ARHGEF10: variants seen among roughly 807,000 people sequenced by gnomAD.
The protein encoded by ARHGEF10 is Rho guanine nucleotide exchange factor (GEF) 10.
Under a neutral mutation model 147.4 loss-of-function variants are expected in ARHGEF10, and 140 were observed. That is an observed-to-expected ratio of 0.95 (90% CI 0.83 to 1.09). The LOEUF (loss-of-function observed/expected upper bound fraction) is 1.09. Among genes scored for constraint, ARHGEF10 ranks in the 50% least tolerant of loss-of-function variants. The pLI is 0.00. For synonymous variants in ARHGEF10, 902 were observed against 695.8 expected (o/e 1.30, Z -4.67); for missense variants, 2,222 against 1,752.7 (o/e 1.27, Z -4.78).
At chr8:1,955,505 C>G (rs1412600817) in intron 28 of ARHGEF10, among the ~76,000 whole-genome samples, 1 of 149,724 alleles carries the variant, frequency 6.7e-6, no homozygotes, top group Non-Finnish European at 1.5e-5. Flanking sequence ...CTCACTGTTT[C>G]TCTGGATGGG....
Position 1,894,404 on chromosome 8 carries a change from G to A in ARHGEF10, c.1272G>A (p.Lys424=). The A allele has an allele frequency of 6.2e-7, 1 of 1,614,208 alleles. No homozygotes were observed. The highest frequency in any genetic ancestry group is 8.5e-7 in the Non-Finnish European group (1 of 1,180,034). The change falls in exon 13 of 29, where the codon AAG becomes AAA. Residue 424 remains lysine, a synonymous_variant. Transcript: ENST00000349830. ...ALKRILEQYE[K]PLSEMEPKVL... is the part of the protein sequence containing the mutation. ...TCATTTTGTCTTAGCAATATGAGAAGCCGCTGTCTGAGATGGAGCCAAAGG... is the reference window on the plus strand; with the variant it reads ...TCATTTTGTCTTAGCAATATGAGAAACCGCTGTCTGAGATGGAGCCAAAGG...
At chr8:1,953,664 G>A (rs1815244209) in intron 28 of ARHGEF10, among the ~76,000 whole-genome samples, 1 of 152,160 alleles carries the variant, frequency 6.6e-6, no homozygotes, top group Non-Finnish European at 1.5e-5. Flanking sequence ...GTGACCCGCA[G>A]TTCGTAATGA....
At chr8:1,897,384 G>T (rs1443206192) in intron 14 of ARHGEF10, among the ~76,000 whole-genome samples, 1 of 150,296 alleles carries the variant, frequency 6.7e-6, no homozygotes, top group Non-Finnish European at 1.5e-5. Flanking sequence ...CTAAGGGATC[G>T]GATCGCAGTT....
chr8:1,826,556 C>T (rs1264423085), intron 1 of ARHGEF10, among the ~76,000 whole-genome samples: 1 of 152,040 alleles, frequency 6.6e-6, no homozygotes, highest in South Asian at 2.1e-4. Context: ...AGACTTCTCA[C>T]GGGACTTGAG....
chr8:1,844,404 GACGGGAGA>G (rs1473472763), intron 2 of ARHGEF10, among the ~76,000 whole-genome samples: 61 of 152,204 alleles, frequency 4.0e-4, no homozygotes, highest in African/African-American at 8.9e-4. Context: ...AGATGACAGA[GACGGGAGA>G]ATCCAGGGGT....
intron 7 of ARHGEF10, among the ~76,000 whole-genome samples, chr8:1,874,034 C>T (rs562115950): frequency 2.0e-5 from 3 of 152,212 alleles, no homozygotes; most frequent in Non-Finnish European, 2.9e-5. Flanking sequence ...GACAATAAGT[C>T]GATGGCGCTG....
intron 11 of ARHGEF10, among the ~76,000 whole-genome samples, chr8:1,891,842 C>G (rs1432593284): frequency 6.6e-6 from 1 of 151,968 alleles, no homozygotes; most frequent in African/African-American, 2.4e-5. Flanking sequence ...CCATGAAACC[C>G]AGAATATTGG....
rs201837497 is a variant in ARHGEF10 at position 1,857,952 on chromosome 8, C to G, written c.38-8C>G. On this transcript the variant is annotated splice_polypyrimidine_tract_variant and splice_region_variant and intron_variant, in intron 2 of 28. Coordinates refer to ENST00000349830, the MANE Select transcript of ARHGEF10 (RefSeq NM_014629.4). The stretch of plus-strand genomic sequence containing the variant: ...TCTCCTTGATGTGGTTTTGGTTTTT[C>G]TTTTTAGAAAATGAAATGAAATATG... The G allele has an allele frequency of 6.3e-7, 1 of 1,594,540 alleles. No individual in the cohort carries two copies. The highest frequency in any genetic ancestry group is 1.1e-5 in the South Asian group (1 of 87,928).
At chr8:1,885,844 C>T (rs1160241327) in intron 11 of ARHGEF10, 137 bp downstream of exon 11, 2 of 743,240 alleles carry the variant, frequency 2.7e-6, no homozygotes, top group Admixed American at 2.0e-5. Context: ...ACTGTAGGTT[C>T]CTGGCCCAGC....
chr8:1,829,414 T>G (rs1009863498), intron 1 of ARHGEF10, among the ~76,000 whole-genome samples: 6 of 152,168 alleles, frequency 3.9e-5, no homozygotes, highest in African/African-American at 1.4e-4. Context: ...CAGCTTGAAG[T>G]CCGCTGAGGG....
Position 1,925,412 on chromosome 8 carries a change from G to A in ARHGEF10, c.2610+8G>A, listed in dbSNP as rs748547853. The A allele has an allele frequency of 1.2e-6, 2 of 1,613,920 alleles. No homozygotes were observed. Among genetic ancestry groups the A allele is most frequent in the South Asian group, 1.1e-5 (1 of 91,064 alleles). On this transcript the variant is annotated splice_region_variant and intron_variant, in intron 22 of 28. Coordinates refer to ENST00000349830, the MANE Select transcript of ARHGEF10 (RefSeq NM_014629.4). Reference sequence around the variant, plus strand: ...AAGCAGCAGGAGTTCAAGGTGAAGGGAGGCAGGGCCCGCGGCCCGGGGTGG... The same window carrying A: ...AAGCAGCAGGAGTTCAAGGTGAAGGAAGGCAGGGCCCGCGGCCCGGGGTGG...
At chr8:1,914,342 C>T (rs1171792415) in intron 18 of ARHGEF10, among the ~76,000 whole-genome samples, 1 of 152,252 alleles carries the variant, frequency 6.6e-6, no homozygotes, top group African/African-American at 2.4e-5. Flanking sequence ...GCGCGTCCAG[C>T]CACAGCCCTG....
intron 27 of ARHGEF10, among the ~76,000 whole-genome samples, chr8:1,946,543 C>T (rs1489568845): frequency 3.9e-5 from 6 of 152,190 alleles, no homozygotes; most frequent in Non-Finnish European, 8.8e-5. Flanking sequence ...GGGTCTCCTC[C>T]GCTTCCTATA....
intron 1 of ARHGEF10, among the ~76,000 whole-genome samples, chr8:1,832,399 G>GAC (rs144626635): frequency 4.2e-5 from 2 of 47,510 alleles, no homozygotes; most frequent in African/African-American, 1.9e-4. Flanking sequence ...CAGAGACAGA[G>GAC]AGAGGCAGAG....
rs1405431788 is a variant in ARHGEF10, at chr8:1,893,662, G to C, written c.1260+16G>C. On this transcript the variant is annotated intron_variant, in intron 12 of 28. Transcript: ENST00000349830. The stretch of plus-strand genomic sequence containing the variant: ...GATTTTGGAGGTACTTAAGTGTCGT[G>C]TTACATAATACATACATTTCTATTA... 6.5e-7 allele frequency: 1 copy of C among 1,535,158 alleles called. No individual in the cohort carries two copies. The highest frequency in any genetic ancestry group is 2.3e-5 in the East Asian group (1 of 44,370).
At chr8:1,926,312 T>C in intron 22 of ARHGEF10, 65 bp from the exon 23 acceptor site, 2 of 1,313,050 alleles carry the variant, frequency 1.5e-6, no homozygotes, top group Non-Finnish European at 2.2e-6. Flanking sequence ...ATTTAAGACG[T>C]TATGTAGTCT....
intron 11 of ARHGEF10, among the ~76,000 whole-genome samples, chr8:1,890,408 T>TC (rs1374416559): frequency 2.1e-5 from 3 of 142,822 alleles, no homozygotes; most frequent in African/African-American, 5.4e-5. Flanking sequence ...TGGGTGAGGG[T>TC]TGTGAGAAGA....
chr8:1,929,341 T>C lies in ARHGEF10; in HGVS notation c.2977T>C (p.Phe993Leu), dbSNP rs1435381440. 3 of 1,614,056 alleles carry C rather than the reference T, an allele frequency of 1.9e-6. No homozygotes were observed. The highest frequency in any genetic ancestry group is 1.7e-6 in the Non-Finnish European group (2 of 1,180,042). The change falls in exon 25 of 29, where the codon TTC (phenylalanine) becomes CTC (leucine). Residue 993 changes from phenylalanine to leucine, a missense_variant. Phe to Leu is a conservative substitution (Grantham distance 22). Transcript: ENST00000349830. ...CAAGAAAGTGAGACTTCAGCACTTTTTCACTCCTGAGAAGTCCACAGTCAT... is the reference window on the plus strand; with the variant it reads ...CAAGAAAGTGAGACTTCAGCACTTTCTCACTCCTGAGAAGTCCACAGTCAT... ...GSKKVRLQHFFTPEKSTVMSL... is the reference protein window; with the variant it reads ...GSKKVRLQHFLTPEKSTVMSL...
At chr8:1,887,013 G>A (rs1703097678) in intron 11 of ARHGEF10, among the ~76,000 whole-genome samples, 2 of 152,158 alleles carry the variant, frequency 1.3e-5, no homozygotes, top group African/African-American at 4.8e-5. Flanking sequence ...ATGCTCAGGA[G>A]TTATAAAAGG....
Sources: allele counts gnomAD v4.1 joint callset (sites outside exome capture counted in the v4.1 genomes callset), GRCh38; gene constraint gnomAD v4.1.1; transcripts MANE v1.5; gene names NCBI Gene and HGNC (gene_info 2026-07-23, HGNC 2026-07-21).